The following MLEC variants were observed in gnomAD, a reference collection of about 807,000 sequenced individuals.
The protein encoded by MLEC is malectin, also known as oligosaccharyltransferase complex subunit (non-catalytic).
In MLEC, 7 loss-of-function variants were observed where a neutral mutation model predicts 28.7. That is an observed-to-expected ratio of 0.24 (90% CI 0.14 to 0.46). The LOEUF is 0.46. Among genes scored for constraint, MLEC ranks in the 20% least tolerant of loss-of-function variants. MLEC has a pLI of 0.99. For synonymous variants in MLEC, 142 were observed against 164.4 expected (o/e 0.86, Z 1.04); for missense variants, 237 against 391.1 (o/e 0.61, Z 3.32).
intron 1 of MLEC, among the ~76,000 whole-genome samples, chr12:120,691,408 A>T (rs533572611): frequency 8.5e-5 from 13 of 152,384 alleles, no homozygotes; most frequent in African/African-American, 2.9e-4. Flanking sequence ...CAACTTGTTC[A>T]GTGACACTTC....
At chr12:120,692,262 A>G (rs1220599111) in intron 1 of MLEC, among the ~76,000 whole-genome samples, 1 of 152,240 alleles carries the variant, frequency 6.6e-6, no homozygotes, top group Non-Finnish European at 1.5e-5. Flanking sequence ...ATTTGTAATG[A>G]TCACAGTCCT....
In MLEC at chr12:120,687,556, G is replaced by A. The variant is rs1033470239; in HGVS notation, c.235+25G>A. On this transcript the variant is annotated intron_variant, in intron 1 of 4. Coordinates refer to ENST00000228506, the MANE Select transcript of MLEC (RefSeq NM_014730.4). This position sits in a 1 kb window ranked among gnomAD's most constrained non-coding sequence, Gnocchi z 8.1. ...GGTGAGAGTCCCCCTGCCGAGCCGCGGGATCCAGGGCCTGCTGTGCTGGGC... is the reference window on the plus strand; with the variant it reads ...GGTGAGAGTCCCCCTGCCGAGCCGCAGGATCCAGGGCCTGCTGTGCTGGGC... 2.0e-6 allele frequency: 3 copies of A among 1,485,248 alleles called. No homozygotes were observed. Among genetic ancestry groups the A allele is most frequent in the Non-Finnish European group, 2.7e-6 (3 of 1,115,592 alleles). 92.0% of individuals were successfully genotyped at this position (1,485,248 alleles called of 1,614,324 possible).
At chr12:120,695,210 C>T in intron 4 of MLEC, 58 bp downstream of exon 4, 1 of 1,585,004 alleles carries the variant, frequency 6.3e-7, no homozygotes, top group South Asian at 1.1e-5. Context: ...GTTGAGGAAG[C>T]CCTTGGGAGG....
rs1223548133 is a variant in MLEC, at chr12:120,694,140, C to T, written c.285C>T (p.Asp95=). The T allele has an allele frequency of 1.2e-6, 2 of 1,614,122 alleles. No homozygotes were observed. Among genetic ancestry groups the T allele is most frequent in the South Asian group, 2.2e-5 (2 of 91,078 alleles). Residue 95 remains aspartate (D), a synonymous_variant, in exon 2 of 5, where the codon GAC becomes GAT. Transcript: ENST00000228506. This position sits in a 1 kb window ranked among gnomAD's most constrained non-coding sequence, Gnocchi z 4.5. ...KLPILRSNPE[D]QILYQTERYN... ...CAATCCTGCGTTCCAACCCTGAGGA[C>T]CAGATCCTGTATCAAACTGAGCGGT... is the stretch of plus-strand genomic sequence containing the variant.
chr12:120,687,199 C>A lies in MLEC; in HGVS notation c.-98C>A, dbSNP rs1881852891. The A allele has an allele frequency of 2.4e-6, 3 of 1,260,318 alleles. No individual in the cohort carries two copies. Among genetic ancestry groups the A allele is most frequent in the Non-Finnish European group, 3.0e-6 (3 of 996,102 alleles). The allele number at this position is 1,260,318 out of a possible 1,614,324, so 78.1% of individuals were successfully genotyped here. ...AGCGACATGTCCCCGGCGGCTCAGG[C>A]GGAGCGGCCCGTGGCGCTGTTTTTC... On this transcript the variant is annotated 5_prime_UTR_variant, in exon 1 of 5. Transcript: ENST00000228506. The surrounding 1 kb of genome is among the most constrained non-coding windows in gnomAD (Gnocchi z 8.1).
rs922853745 is a variant in MLEC at position 120,700,605 on chromosome 12, T to C, written c.*4060T>C. 1.1e-4 allele frequency: 17 copies of C among 152,178 alleles called. No individual in the cohort carries two copies. The highest frequency in any genetic ancestry group is 4.1e-4 in the African/African-American group (17 of 41,440). 9.4% of individuals were successfully genotyped at this position (152,178 alleles called of 1,614,324 possible). A position where few individuals can be genotyped will look rare whatever the true frequency, so the allele number is the denominator to read the frequency against. ...AGAAATCTCAGAAGAAATCTGCTTC[T>C]CTTCGATGGAAAGATATAATTAACG... On this transcript the variant is annotated 3_prime_UTR_variant, in exon 5 of 5. Coordinates refer to ENST00000228506, the MANE Select transcript of MLEC (RefSeq NM_014730.4). The surrounding 1 kb of genome is among the most constrained non-coding windows in gnomAD (Gnocchi z 4.0).
At position 120,694,911 on chromosome 12, in the gene MLEC, A is replaced by G; in HGVS notation, c.502A>G (p.Ile168Val). 3 of 1,614,224 alleles carry G rather than the reference A, an allele frequency of 1.9e-6. No homozygotes were observed. Reference sequence around the variant, plus strand: ...TGGGCATAGCACAGCTCACGATGAAATTATACCTATGAGCATCAGAAAGGG... The same window carrying G: ...TGGGCATAGCACAGCTCACGATGAAGTTATACCTATGAGCATCAGAAAGGG... ...RVGHSTAHDE[I>V]IPMSIRKGKL... The change falls in exon 3 of 5, where the codon ATT becomes GTT. Residue 168 changes from isoleucine (I) to valine (V), a missense_variant. Transcript: ENST00000228506. This position sits in a 1 kb window ranked among gnomAD's most constrained non-coding sequence, Gnocchi z 4.5.
intron 1 of MLEC, 138 bp from the exon 2 acceptor site, chr12:120,693,953 C>A: frequency 1.5e-6 from 1 of 664,940 alleles, no homozygotes; most frequent in Non-Finnish European, 2.5e-6. Flanking sequence ...CTGTTTGGAG[C>A]CAGGTGCAGA....
rs1377967188 is a variant in MLEC, at chr12:120,700,645, A to T, written c.*4100A>T. The T allele has an allele frequency of 6.6e-6, 1 of 152,232 alleles. No individual in the cohort carries two copies. Among genetic ancestry groups the T allele is most frequent in the Non-Finnish European group, 1.5e-5 (1 of 68,034 alleles). 9.4% of individuals were successfully genotyped at this position (152,232 alleles called of 1,614,324 possible). On this transcript the variant is annotated 3_prime_UTR_variant, in exon 5 of 5. Coordinates refer to ENST00000228506, the MANE Select transcript of MLEC (RefSeq NM_014730.4). The surrounding 1 kb of genome is among the most constrained non-coding windows in gnomAD (Gnocchi z 4.0). The stretch of plus-strand genomic sequence containing the variant: ...TATAATTAACGATCAAAGAGCTCTA[A>T]GAAAATTGCAAAGAAGCCTTAATGT...
chr12:120,692,725 C>T lies in MLEC; in HGVS notation c.236-1366C>T, dbSNP rs751641460. ...TTGCCAGATGTCTTCAGGGTCACCACGTGAGATTGGAAGGCAGTCTTGAAA... is the reference window on the plus strand; with the variant it reads ...TTGCCAGATGTCTTCAGGGTCACCATGTGAGATTGGAAGGCAGTCTTGAAA... On this transcript the variant is annotated intron_variant, in intron 1 of 4. Transcript: ENST00000228506. Among the ~76,000 whole-genome samples, 37 of 149,858 alleles carry T rather than the reference C, an allele frequency of 2.5e-4. No homozygotes were observed. The Middle Eastern group carries it at 0.017, about 69-fold the overall frequency.
chr12:120,687,403 T>C lies in MLEC; in HGVS notation c.107T>C (p.Val36Ala), dbSNP rs1367250553. 1 of 1,388,556 alleles carries C rather than the reference T, an allele frequency of 7.2e-7. No individual in the cohort carries two copies. The highest frequency in any genetic ancestry group is 9.3e-7 in the Non-Finnish European group (1 of 1,073,614). The allele number at this position is 1,388,556 out of a possible 1,614,324, so 86.0% of individuals were successfully genotyped here. The change falls in exon 1 of 5, where the codon GTG (valine) becomes GCG (alanine). Residue 36 changes from valine to alanine, a missense_variant. Coordinates refer to ENST00000228506, the MANE Select transcript of MLEC (RefSeq NM_014730.4). The surrounding 1 kb of genome is among the most constrained non-coding windows in gnomAD (Gnocchi z 8.1). Reference sequence around the variant, plus strand: ...GGACCCGGGCTCGGCGTGGCCGGCGTGGCCGGCGCGGCGGGGGCCGGGCTG... The same window carrying C: ...GGACCCGGGCTCGGCGTGGCCGGCGCGGCCGGCGCGGCGGGGGCCGGGCTG... The part of the protein sequence containing the change: ...IRGPGLGVAG[V>A]AGAAGAGLPE...
Position 120,696,593 on chromosome 12 carries a change from C to G in MLEC, c.*48C>G, listed in dbSNP as rs1293871080. 16 of 1,597,552 alleles carry G rather than the reference C, an allele frequency of 1.0e-5. No individual in the cohort carries two copies. Among genetic ancestry groups the G allele is most frequent in the Non-Finnish European group, 1.4e-5 (16 of 1,172,008 alleles). The stretch of plus-strand genomic sequence containing the variant: ...GGGTGGAGGGGTGTGGGAAAGAAAC[C>G]AGCCATATTGGTTTTGGTTTCTGTA... On this transcript the variant is annotated 3_prime_UTR_variant, in exon 5 of 5. Coordinates refer to ENST00000228506, the MANE Select transcript of MLEC (RefSeq NM_014730.4). The surrounding 1 kb of genome is among the most constrained non-coding windows in gnomAD (Gnocchi z 5.4).
Position 120,687,546 on chromosome 12 carries a change from G to A in MLEC, c.235+15G>A, listed in dbSNP as rs767748131. The A allele has an allele frequency of 1.3e-6, 2 of 1,491,594 alleles. No individual in the cohort carries two copies. Among genetic ancestry groups the A allele is most frequent in the South Asian group, 1.3e-5 (1 of 75,564 alleles). 92.4% of individuals were successfully genotyped at this position (1,491,594 alleles called of 1,614,324 possible). A position where few individuals can be genotyped will look rare whatever the true frequency, so the allele number is the denominator to read the frequency against. ...GGTGGGCCGAGGTGAGAGTCCCCCT[G>A]CCGAGCCGCGGGATCCAGGGCCTGC... On this transcript the variant is annotated intron_variant, in intron 1 of 4. Transcript: ENST00000228506. The surrounding 1 kb of genome is among the most constrained non-coding windows in gnomAD (Gnocchi z 8.1).
chr12:120,692,666 A>G (rs1882084081), intron 1 of MLEC, among the ~76,000 whole-genome samples: 1 of 149,762 alleles, frequency 6.7e-6, no homozygotes, highest in Admixed American at 6.7e-5. Context: ...AGCTCTGGGG[A>G]TGACAGCCCC....
chr12:120,693,687 T>C (rs926845126), intron 1 of MLEC, among the ~76,000 whole-genome samples: 1 of 152,242 alleles, frequency 6.6e-6, no homozygotes, highest in African/African-American at 2.4e-5. Context: ...ATGGAGTTCC[T>C]GGCCATCCCC....
chr12:120,695,864 T>C (rs890903065), intron 4 of MLEC, among the ~76,000 whole-genome samples: 14 of 152,230 alleles, frequency 9.2e-5, no homozygotes, highest in Admixed American at 8.5e-4. Context: ...CAAACAGACC[T>C]GTGTTCAAGT....
rs1380388035 is a variant in MLEC at position 120,696,401 on chromosome 12, C to CA, written c.741dup (p.Gln248ThrfsTer4). The CA allele has an allele frequency of 6.2e-7, 1 of 1,613,988 alleles. No homozygotes were observed. The highest frequency in any genetic ancestry group is 8.5e-7 in the Non-Finnish European group (1 of 1,180,020). ...AAGAATATGATGAAGGGTCTAATCT[C>CA]AAAAAACAGACCAATAAGAACCGGG... On this transcript the variant is annotated frameshift_variant, in exon 5 of 5. Coordinates refer to ENST00000228506, the MANE Select transcript of MLEC (RefSeq NM_014730.4). LOFTEE classifies it high-confidence loss of function. The surrounding 1 kb of genome is among the most constrained non-coding windows in gnomAD (Gnocchi z 5.4).
rs1046730433 is a variant in MLEC, at chr12:120,700,932, T to C, written c.*4387T>C. On this transcript the variant is annotated 3_prime_UTR_variant, in exon 5 of 5. Transcript: ENST00000228506. The surrounding 1 kb of genome is among the most constrained non-coding windows in gnomAD (Gnocchi z 4.0). ...GATTATCTTGATAAGAGCAGGTGATTTGGGGACTAGCTGGGTTGGCAGGAA... is the reference window on the plus strand; with the variant it reads ...GATTATCTTGATAAGAGCAGGTGATCTGGGGACTAGCTGGGTTGGCAGGAA... The C allele has an allele frequency of 1.3e-5, 2 of 152,304 alleles. No individual in the cohort carries two copies. The highest frequency in any genetic ancestry group is 2.1e-4 in the South Asian group (1 of 4,834). 9.4% of individuals were successfully genotyped at this position (152,304 alleles called of 1,614,324 possible).
chr12:120,689,892 T>G (rs1173642931), intron 1 of MLEC, among the ~76,000 whole-genome samples: 1 of 152,278 alleles, frequency 6.6e-6, no homozygotes, highest in Non-Finnish European at 1.5e-5. Flanking sequence ...GGCCTTCTTT[T>G]GAACTTGCTG....
Sources: gnomAD v4.1 joint callset for allele counts (sites outside exome capture counted in the v4.1 genomes callset) on GRCh38, gnomAD v4.1.1 for gene constraint, Gnocchi (gnomAD v3.1) non-coding constraint, MANE v1.5 for transcripts, NCBI Gene and HGNC (gene_info 2026-07-23, HGNC 2026-07-21) for gene names.